The following ZNF385D variants were observed in gnomAD, a reference collection of about 807,000 sequenced individuals.
ZNF385D encodes the protein zinc finger protein 659.
A neutral mutation model predicts 35.8 loss-of-function variants in ZNF385D; 15 were observed. That is an observed-to-expected ratio of 0.42 (90% CI 0.28 to 0.64). The LOEUF (loss-of-function observed/expected upper bound fraction) is 0.64, where lower values mean the gene tolerates loss of function less well. Ranked by LOEUF, ZNF385D falls within the 30% of genes least tolerant of loss-of-function variation. The pLI, the probability that ZNF385D is intolerant of heterozygous loss-of-function variation, is 0.23. For synonymous variants in ZNF385D, 212 were observed against 186.8 expected (o/e 1.13, Z -1.10); for missense variants, 474 against 494.6 (o/e 0.96, Z 0.39).
In ZNF385D at chr3:21,994,231, T is replaced by C. The variant is rs555450731; in HGVS notation, c.325+174586A>G. Among the ~76,000 whole-genome samples the C allele has an allele frequency of 6.7e-4, 102 of 152,186 alleles. 1 individual carries two copies. The highest frequency in any genetic ancestry group is 1.2e-3 in the Non-Finnish European group (80 of 67,974). On this transcript the variant is annotated intron_variant, in intron 3 of 5. Coordinates refer to the ZNF385D transcript ENST00000494108. Reference sequence around the variant, plus strand: ...GGTCATTAAACACATAAGATCTACATACTGTTTTTACTTAAACAGCATTCA... The same window carrying C: ...GGTCATTAAACACATAAGATCTACACACTGTTTTTACTTAAACAGCATTCA...
chr3:22,315,347 G>A (rs1352052714), intron 2 of ZNF385D, among the ~76,000 whole-genome samples: 3 of 152,068 alleles, frequency 2.0e-5, no homozygotes, highest in South Asian at 4.1e-4. Context: ...TGGAGAAGTT[G>A]GTTTATTAAG....
rs538478702 is a variant in ZNF385D at position 22,004,719 on chromosome 3, A to C, written c.325+164098T>G. 2.5e-3 allele frequency among the ~76,000 whole-genome samples: 386 copies of C among 152,170 alleles called. 1 individual carries two copies. The highest frequency in any genetic ancestry group is 4.7e-3 in the Non-Finnish European group (320 of 68,028). ...TCCTTCTGCTCACTGAGATAAATGC[A>C]TATCTCCTCCTTTGGAAAGGCTTAT... On this transcript the variant is annotated intron_variant, in intron 3 of 5. Transcript: ENST00000494108.
intron 3 of ZNF385D, among the ~76,000 whole-genome samples, chr3:21,851,382 A>T (rs114253999): frequency 0.029 from 4,407 of 152,050 alleles, 211 homozygotes; most frequent in African/African-American, 0.1. Flanking sequence ...TTAAATATAC[A>T]CTCAATATAT....
chr3:21,549,494 G>T (rs1250954000), intron 3 of ZNF385D, among the ~76,000 whole-genome samples: 1 of 152,192 alleles, frequency 6.6e-6, no homozygotes, highest in Non-Finnish European at 1.5e-5. Context: ...GAGATAAAAT[G>T]TGTCCCAAAT....
At chr3:21,969,620 G>A (rs561245718) in intron 3 of ZNF385D, among the ~76,000 whole-genome samples, 3 of 152,180 alleles carry the variant, frequency 2.0e-5, no homozygotes, top group Non-Finnish European at 4.4e-5. Flanking sequence ...CCTGGTGCCA[G>A]GGTAACTCAT....
intron 3 of ZNF385D, among the ~76,000 whole-genome samples, chr3:22,072,799 T>C (rs1277109279): frequency 6.6e-6 from 1 of 151,616 alleles, no homozygotes; most frequent in African/African-American, 2.4e-5. Flanking sequence ...GCAGAAGAAA[T>C]AAGGAAACAG....
At chr3:21,952,996 A>T (rs563123423) in intron 3 of ZNF385D, among the ~76,000 whole-genome samples, 37 of 152,102 alleles carry the variant, frequency 2.4e-4, no homozygotes, top group Middle Eastern at 3.4e-3. Context: ...TACTAAACAC[A>T]TTCAGCAATC....
intron 1 of ZNF385D, among the ~76,000 whole-genome samples, chr3:21,709,552 G>T (rs1312196550): frequency 6.6e-6 from 1 of 152,058 alleles, no homozygotes; most frequent in African/African-American, 2.4e-5. Flanking sequence ...TACTCTTAAA[G>T]CATCAATTTC....
intron 5 of ZNF385D, among the ~76,000 whole-genome samples, chr3:21,429,196 AT>A (rs982634615): frequency 1.7e-4 from 26 of 151,932 alleles, no homozygotes; most frequent in African/African-American, 5.3e-4. Context: ...CACAAGATAA[AT>A]TTAAAAAAAA....
chr3:22,103,810 C>T lies in ZNF385D; in HGVS notation c.325+65007G>A, dbSNP rs578248924. Among the ~76,000 whole-genome samples the T allele has an allele frequency of 1.2e-3, 180 of 152,082 alleles. 1 individual carries two copies. The highest frequency in any genetic ancestry group is 5.8e-3 in the South Asian group (28 of 4,816). ...CCAGTATCAGAATGGCAAACTATGCCTTACCATAGTTGAGGGGGGTGACTT... is the reference window on the plus strand; with the variant it reads ...CCAGTATCAGAATGGCAAACTATGCTTTACCATAGTTGAGGGGGGTGACTT... On this transcript the variant is annotated intron_variant, in intron 3 of 5. Transcript: ENST00000494108.
intron 3 of ZNF385D, among the ~76,000 whole-genome samples, chr3:21,858,760 T>G (rs1395611190): frequency 1.3e-5 from 2 of 152,142 alleles, no homozygotes; most frequent in Admixed American, 6.6e-5. Flanking sequence ...GATATCCATG[T>G]TCCCGAATTT....
chr3:21,875,593 A>G (rs940774042), intron 3 of ZNF385D, among the ~76,000 whole-genome samples: 3 of 152,108 alleles, frequency 2.0e-5, no homozygotes, highest in African/African-American at 4.8e-5. Flanking sequence ...CTGATACTCC[A>G]GTGCAAAATG....
intron 2 of ZNF385D, among the ~76,000 whole-genome samples, chr3:22,216,358 T>A (rs1183972622): frequency 6.6e-6 from 1 of 152,084 alleles, no homozygotes; most frequent in Non-Finnish European, 1.5e-5. Context: ...CCATTATGGA[T>A]AAATTGCTAT....
rs1440674148 is a variant in ZNF385D at position 21,848,999 on chromosome 3, TCTTA to T, written c.326-183975_326-183972del. On this transcript the variant is annotated intron_variant, in intron 3 of 5. Coordinates refer to the ZNF385D transcript ENST00000494108. ...TACTTAAACCTATTTGAGACTTCTT[TCTTA>T]AAGTTTTATCAACAGTGTAAGCACT... Among the ~76,000 whole-genome samples, 97 of 152,216 alleles carry T rather than the reference TCTTA, an allele frequency of 6.4e-4. 1 individual carries two copies. Among genetic ancestry groups the T allele is most frequent in the African/African-American group, 2.1e-3 (86 of 41,570 alleles).
chr3:21,801,765 G>T (rs1010695578), intron 3 of ZNF385D, among the ~76,000 whole-genome samples: 1 of 152,150 alleles, frequency 6.6e-6, no homozygotes, highest in Admixed American at 6.6e-5. Context: ...ATGCTCTGAG[G>T]CTGGGATTTT....
intron 3 of ZNF385D, among the ~76,000 whole-genome samples, chr3:22,145,712 A>T (rs966415510): frequency 2.0e-5 from 3 of 152,200 alleles, no homozygotes; most frequent in Non-Finnish European, 4.4e-5. Context: ...CAGTACATTG[A>T]TAAGAATAAA....
intron 3 of ZNF385D, among the ~76,000 whole-genome samples, chr3:22,106,198 C>T (rs1281288197): frequency 6.6e-6 from 1 of 152,068 alleles, no homozygotes; most frequent in East Asian, 1.9e-4. Flanking sequence ...AAAATCACTG[C>T]CATAAATATT....
Position 21,539,025 on chromosome 3 carries a change from T to C in ZNF385D, c.276+25549A>G, listed in dbSNP as rs924313799. On this transcript the variant is annotated intron_variant, in intron 3 of 7. Coordinates refer to ENST00000281523, the MANE Select transcript of ZNF385D (RefSeq NM_024697.3). This position sits in a 1 kb window ranked among gnomAD's most constrained non-coding sequence, Gnocchi z 4.0. The stretch of plus-strand genomic sequence containing the variant: ...GACAAGTTCCTTGTGGTAAACCATT[T>C]GACTAGTCTCTCTGGTCTGAGAAGA... 6.6e-6 allele frequency among the ~76,000 whole-genome samples: 1 copy of C among 152,122 alleles called. No homozygotes were observed. Among genetic ancestry groups the C allele is most frequent in the Non-Finnish European group, 1.5e-5 (1 of 68,042 alleles).
At chr3:21,988,917 G>C (rs534896093) in intron 3 of ZNF385D, among the ~76,000 whole-genome samples, 13 of 152,294 alleles carry the variant, frequency 8.5e-5, no homozygotes, top group Middle Eastern at 3.4e-3. Flanking sequence ...ATTCGGGTGG[G>C]AGTGACCCGA....
Sources: allele counts gnomAD v4.1 joint callset (sites outside exome capture counted in the v4.1 genomes callset), GRCh38; gene constraint gnomAD v4.1.1; non-coding constraint Gnocchi (gnomAD v3.1); transcripts MANE v1.5; gene names NCBI Gene and HGNC (gene_info 2026-07-23, HGNC 2026-07-21).